Variants in SOCS5 observed in about 807,000 individuals in gnomAD.
The protein encoded by SOCS5 is CIS-6.
In SOCS5, 32 loss-of-function variants were observed where a neutral mutation model predicts 42.8. That is an observed-to-expected ratio of 0.75 (90% CI 0.56 to 1.01). The LOEUF is 1.01. Ranked by LOEUF, SOCS5 falls within the 50% of genes least tolerant of loss-of-function variation. SOCS5 has a pLI of 0.00. For synonymous variants in SOCS5, 283 were observed against 229.6 expected (o/e 1.23, Z -2.10); for missense variants, 627 against 653.0 (o/e 0.96, Z 0.43).
At chr2:46,711,078 CA>C (rs1351815320) in intron 1 of SOCS5, among the ~76,000 whole-genome samples, 1 of 152,054 alleles carries the variant, frequency 6.6e-6, no homozygotes, top group Non-Finnish European at 1.5e-5. Flanking sequence ...AGATTGTTTC[CA>C]GTTTTCAACT....
intron 1 of SOCS5, among the ~76,000 whole-genome samples, chr2:46,744,272 G>T (rs915963493): frequency 2.0e-5 from 3 of 152,142 alleles, no homozygotes; most frequent in Non-Finnish European, 4.4e-5. Flanking sequence ...TTACAGGCAT[G>T]AGCCACCACA....
At chr2:46,700,679 T>G (rs910220996) in intron 1 of SOCS5, among the ~76,000 whole-genome samples, 1 of 152,194 alleles carries the variant, frequency 6.6e-6, no homozygotes, top group Non-Finnish European at 1.5e-5. Flanking sequence ...TTGGTAATCT[T>G]AATGTCAGTT....
chr2:46,758,576 C>T lies in SOCS5; in HGVS notation c.46C>T (p.Gln16Ter). ...KMWNNFKYRCQNLFGHEGGSR... is the reference protein window; with the variant it reads ...KMWNNFKYRC ...GTGGAATAACTTCAAATACAGGTGT[C>T]AGAATCTCTTCGGTCATGAGGGAGG... Residue 16 changes from glutamine (Q) to a stop codon, truncating the protein, a stop_gained, in exon 2 of 2, where the codon CAG becomes TAG. Coordinates refer to ENST00000394861, the MANE Select transcript of SOCS5 (RefSeq NM_144949.3). LOFTEE classifies it high-confidence loss of function. 1 of 1,610,158 alleles carries T rather than the reference C, an allele frequency of 6.2e-7. No homozygotes were observed. Among genetic ancestry groups the T allele is most frequent in the Non-Finnish European group, 8.5e-7 (1 of 1,178,720 alleles).
chr2:46,753,161 C>G (rs553639583), intron 1 of SOCS5, among the ~76,000 whole-genome samples: 3 of 152,324 alleles, frequency 2.0e-5, no homozygotes, highest in Non-Finnish European at 4.4e-5. Context: ...TGCTTCAGGA[C>G]TTTTGCAAAT....
intron 1 of SOCS5, among the ~76,000 whole-genome samples, chr2:46,736,004 C>T (rs565643986): frequency 1.1e-4 from 16 of 150,580 alleles, no homozygotes; most frequent in African/African-American, 3.9e-4. Flanking sequence ...TCCCCCATTC[C>T]CCTTCCCTTC....
At chr2:46,720,443 C>G (rs907433895) in intron 1 of SOCS5, among the ~76,000 whole-genome samples, 1 of 152,120 alleles carries the variant, frequency 6.6e-6, no homozygotes, top group Non-Finnish European at 1.5e-5. Flanking sequence ...ACTGTGAGAT[C>G]TGGCTATTTT....
intron 1 of SOCS5, among the ~76,000 whole-genome samples, chr2:46,742,053 T>C (rs955336340): frequency 2.6e-5 from 4 of 152,222 alleles, no homozygotes; most frequent in African/African-American, 9.6e-5. Context: ...GATAGTACCA[T>C]TAAAATGTAA....
At position 46,760,317 on chromosome 2, in the gene SOCS5, GAACAATAGCGGAT is replaced by G; in HGVS notation, c.*178_*190del. On this transcript the variant is annotated 3_prime_UTR_variant, in exon 2 of 2. Coordinates refer to ENST00000394861, the MANE Select transcript of SOCS5 (RefSeq NM_144949.3). ...ATTCAGATAAACATGGTGCCTATTG[GAACAATAGCGGAT>G]AGAGCTACAGGTGTTCAGTAAGACT... 1.7e-6 allele frequency: 1 copy of G among 598,440 alleles called. No homozygotes were observed. The highest frequency in any genetic ancestry group is 2.8e-5 in the East Asian group (1 of 35,544). 37.1% of individuals were successfully genotyped at this position (598,440 alleles called of 1,614,324 possible). A position where few individuals can be genotyped will look rare whatever the true frequency, so the allele number is the denominator to read the frequency against.
At chr2:46,719,676 C>T (rs1185429651) in intron 1 of SOCS5, among the ~76,000 whole-genome samples, 1 of 152,192 alleles carries the variant, frequency 6.6e-6, no homozygotes, top group African/African-American at 2.4e-5. Context: ...ACTGTAGTGA[C>T]TCAGCTCCAC....
intron 1 of SOCS5, among the ~76,000 whole-genome samples, chr2:46,705,085 T>A (rs966913340): frequency 6.6e-6 from 1 of 152,250 alleles, no homozygotes; most frequent in Non-Finnish European, 1.5e-5. Context: ...TTTCTGACTG[T>A]TTATTTGTAT....
At position 46,760,840 on chromosome 2, in the gene SOCS5, C is replaced by T. The variant is rs11682181; in HGVS notation, c.*699C>T. The T allele has an allele frequency of 4.2e-3, 699 of 167,148 alleles. 4 individuals carry two copies. Among genetic ancestry groups the T allele is most frequent in the Middle Eastern group, 0.027 (8 of 296 alleles). The allele number at this position is 167,148 out of a possible 1,614,324, so 10.4% of individuals were successfully genotyped here. A position where few individuals can be genotyped will look rare whatever the true frequency, so the allele number is the denominator to read the frequency against. On this transcript the variant is annotated 3_prime_UTR_variant, in exon 2 of 2. Coordinates refer to ENST00000394861, the MANE Select transcript of SOCS5 (RefSeq NM_144949.3). ...TTAATTTTTTAAATGAGTGCTTTAA[C>T]TTAAAACAGGCGTTTGGAATAGCTG...
At chr2:46,709,121 C>T (rs372050790) in intron 1 of SOCS5, among the ~76,000 whole-genome samples, 5 of 151,976 alleles carry the variant, frequency 3.3e-5, no homozygotes, top group East Asian at 3.9e-4. Context: ...CTTGACCTCG[C>T]GATCCGCCCG....
rs1673899065 is a variant in SOCS5 at position 46,762,811 on chromosome 2, AAT to A, written c.*2671_*2672del. The A allele has an allele frequency of 6.0e-6, 1 of 165,320 alleles. No homozygotes were observed. Among genetic ancestry groups the A allele is most frequent in the Non-Finnish European group, 1.5e-5 (1 of 68,074 alleles). 10.2% of individuals were successfully genotyped at this position (165,320 alleles called of 1,614,324 possible). ...TGAGATACATCTTTATAGTTGAAATAATTAACCCAAGAAAAGGTTGCTTTGAT... is the reference window on the plus strand; with the variant it reads ...TGAGATACATCTTTATAGTTGAAATATAACCCAAGAAAAGGTTGCTTTGAT... On this transcript the variant is annotated 3_prime_UTR_variant, in exon 2 of 2. Transcript: ENST00000394861.
chr2:46,717,871 T>G (rs1672784945), intron 1 of SOCS5, among the ~76,000 whole-genome samples: 1 of 152,038 alleles, frequency 6.6e-6, no homozygotes, highest in South Asian at 2.1e-4. Context: ...TTCATACTGT[T>G]TAGTTGCTCT....
At chr2:46,739,439 G>T (rs1673321969) in intron 1 of SOCS5, among the ~76,000 whole-genome samples, 1 of 152,232 alleles carries the variant, frequency 6.6e-6, no homozygotes, top group African/African-American at 2.4e-5. Flanking sequence ...TTTCTTTGTT[G>T]TCTGTCTTGC....
intron 1 of SOCS5, among the ~76,000 whole-genome samples, chr2:46,731,607 G>A (rs1673126805): frequency 6.6e-6 from 1 of 152,144 alleles, no homozygotes; most frequent in African/African-American, 2.4e-5. Flanking sequence ...GTGGTATGTT[G>A]GAGCCAGGTT....
chr2:46,739,077 T>A (rs190734406), intron 1 of SOCS5, among the ~76,000 whole-genome samples: 93 of 152,306 alleles, frequency 6.1e-4, no homozygotes, highest in Middle Eastern at 3.4e-3. Flanking sequence ...AGAAAGTGGA[T>A]GCTTCATGTT....
chr2:46,757,695 C>T (rs1673761073), intron 1 of SOCS5, among the ~76,000 whole-genome samples: 1 of 151,938 alleles, frequency 6.6e-6, no homozygotes, highest in African/African-American at 2.4e-5. Flanking sequence ...GGTGAAACCC[C>T]GTCTCTACTA....
rs562959291 is a variant in SOCS5 at position 46,709,520 on chromosome 2, G to A, written c.-13+10071G>A. ...GGTTTTAGAGGAGGTAGAAAGACAA[G>A]GCTGTGCAGAGAAAAGTAGGAATAA... On this transcript the variant is annotated intron_variant, in intron 1 of 1. Transcript: ENST00000394861. 1.1e-4 allele frequency among the ~76,000 whole-genome samples: 16 copies of A among 152,278 alleles called. No homozygotes were observed. In the South Asian group the frequency reaches 2.9e-3, roughly 28 times the overall value.
Sources: allele counts gnomAD v4.1 joint callset (sites outside exome capture counted in the v4.1 genomes callset), GRCh38; gene constraint gnomAD v4.1.1; transcripts MANE v1.5; gene names NCBI Gene and HGNC (gene_info 2026-07-23, HGNC 2026-07-21).